The following ATP2B2 variants were observed in gnomAD, a reference collection of about 807,000 sequenced individuals.
ATP2B2 encodes the protein ATPase plasma membrane Ca2+ transporting 2, also known as plasma membrane calcium-transporting ATPase 2.
In ATP2B2, 15 loss-of-function variants were observed where a neutral mutation model predicts 120.0. That is an observed-to-expected ratio of 0.12 (90% CI 0.08 to 0.19). The LOEUF is 0.19. ATP2B2 is among the 10% of genes least tolerant of loss of function. The pLI, the probability that ATP2B2 is intolerant of heterozygous loss-of-function variation, is 1.00. For synonymous variants in ATP2B2, 694 were observed against 700.3 expected (o/e 0.99, Z 0.14); for missense variants, 1,045 against 1,719.8 (o/e 0.61, Z 6.94).
intron 1 of ATP2B2, among the ~76,000 whole-genome samples, chr3:10,684,580 T>A (rs1267422539): frequency 6.6e-6 from 1 of 152,264 alleles, no homozygotes; most frequent in African/African-American, 2.4e-5. Context: ...ACTCCAGGCC[T>A]GCCACTGATA....
intron 2 of ATP2B2, among the ~76,000 whole-genome samples, chr3:10,537,308 G>A (rs1005233752): frequency 8.5e-5 from 13 of 152,108 alleles, no homozygotes; most frequent in African/African-American, 2.9e-4. Context: ...TCTTTGCTAT[G>A]TTAAGTCTTC....
intron 2 of ATP2B2, among the ~76,000 whole-genome samples, chr3:10,420,873 GC>G (rs1431845198): frequency 6.6e-6 from 1 of 152,222 alleles, no homozygotes; most frequent in Non-Finnish European, 1.5e-5. Context: ...AAATATGAAT[GC>G]CTAAGCCCCA....
chr3:10,679,001 T>C (rs1262050225), intron 1 of ATP2B2, among the ~76,000 whole-genome samples: 1 of 152,194 alleles, frequency 6.6e-6, no homozygotes, highest in Non-Finnish European at 1.5e-5. Flanking sequence ...GGTGATCCTT[T>C]AGTATGGGAT....
chr3:10,551,942 G>C (rs2067678859), intron 2 of ATP2B2, among the ~76,000 whole-genome samples: 1 of 152,224 alleles, frequency 6.6e-6, no homozygotes, highest in Admixed American at 6.5e-5. Flanking sequence ...GAACATTAAC[G>C]CTGCTTTTGA....
At chr3:10,659,873 A>T (rs1283163360) in intron 1 of ATP2B2, among the ~76,000 whole-genome samples, 1 of 139,028 alleles carries the variant, frequency 7.2e-6, no homozygotes, top group African/African-American at 3.3e-5. Context: ...AATGTAAAAT[A>T]ACAGAAATTA....
intron 1 of ATP2B2, among the ~76,000 whole-genome samples, chr3:10,455,566 C>T (rs145414005): frequency 3.3e-5 from 5 of 152,296 alleles, no homozygotes; most frequent in Admixed American, 2.6e-4. Flanking sequence ...TTCCTTGAGT[C>T]CCCCCTGCTC....
intron 1 of ATP2B2, among the ~76,000 whole-genome samples, chr3:10,633,351 C>T (rs1269624179): frequency 1.3e-5 from 2 of 152,214 alleles, no homozygotes; most frequent in African/African-American, 4.8e-5. Context: ...TAACAGCAGA[C>T]AGGATGCCCT....
At chr3:10,553,757 T>A (rs2067719009) in intron 2 of ATP2B2, among the ~76,000 whole-genome samples, 1 of 152,134 alleles carries the variant, frequency 6.6e-6, no homozygotes, top group South Asian at 2.1e-4. Flanking sequence ...TGGAAGGAAC[T>A]GGGTGTTATC....
intron 14 of ATP2B2, among the ~76,000 whole-genome samples, chr3:10,354,919 A>G (rs1311083257): frequency 2.6e-5 from 4 of 152,154 alleles, no homozygotes; most frequent in Admixed American, 6.5e-5. Flanking sequence ...AATTCTGCAT[A>G]AAGGGACGAG....
chr3:10,492,886 C>T (rs2065988135), intron 1 of ATP2B2, among the ~76,000 whole-genome samples: 1 of 152,222 alleles, frequency 6.6e-6, no homozygotes, highest in South Asian at 2.1e-4. Context: ...GAGGCTGCCA[C>T]CCAGGATGGC....
At chr3:10,687,887 T>C (rs542474264) in intron 1 of ATP2B2, among the ~76,000 whole-genome samples, 199 of 152,078 alleles carry the variant, frequency 1.3e-3, no homozygotes, top group South Asian at 4.2e-3. Context: ...AAAAGAACCA[T>C]TGGGCCGCAA....
chr3:10,652,477 T>C (rs2070491893), intron 1 of ATP2B2, among the ~76,000 whole-genome samples: 1 of 152,220 alleles, frequency 6.6e-6, no homozygotes, highest in African/African-American at 2.4e-5. Context: ...GCATTGATGT[T>C]ACAGGGCGCC....
intron 2 of ATP2B2, among the ~76,000 whole-genome samples, chr3:10,425,713 A>G (rs515504): frequency 0.57 from 85,864 of 151,882 alleles, 24,619 homozygotes; most frequent in East Asian, 0.72. Context: ...AGCAAAATTC[A>G]AGAAAAACAT....
chr3:10,358,670 C>T (rs768424126), intron 14 of ATP2B2, 21 bp downstream of exon 14: 2 of 1,613,324 alleles, frequency 1.2e-6, no homozygotes, highest in South Asian at 2.2e-5. Context: ...TTTCCCTGAG[C>T]TCGCTGGCCC....
At chr3:10,493,655 G>C (rs1048623865) in intron 1 of ATP2B2, among the ~76,000 whole-genome samples, 2 of 152,194 alleles carry the variant, frequency 1.3e-5, no homozygotes, top group Non-Finnish European at 2.9e-5. Flanking sequence ...GGATCTGGGG[G>C]ACCAGTAGGG....
intron 2 of ATP2B2, among the ~76,000 whole-genome samples, chr3:10,546,441 C>T (rs929671151): frequency 6.6e-6 from 1 of 152,204 alleles, no homozygotes; most frequent in African/African-American, 2.4e-5. Flanking sequence ...TCCAGGGTTA[C>T]CTACTCAGAA....
At chr3:10,586,987 C>T (rs1387101890) in intron 2 of ATP2B2, among the ~76,000 whole-genome samples, 3 of 152,130 alleles carry the variant, frequency 2.0e-5, no homozygotes, top group Non-Finnish European at 4.4e-5. Context: ...GTTTACCTCA[C>T]ACACTTAGCA....
At chr3:10,417,184 G>T (rs1384825807) in intron 2 of ATP2B2, among the ~76,000 whole-genome samples, 3 of 151,250 alleles carry the variant, frequency 2.0e-5, no homozygotes, top group African/African-American at 7.3e-5. Flanking sequence ...TCACTTCCCA[G>T]AGGGGGCAAA....
chr3:10,358,910 G>C lies in ATP2B2; in HGVS notation c.1917C>G (p.Leu639=), dbSNP rs1403569775. Residue 639 remains leucine (L), a synonymous_variant, in exon 14 of 23, where the codon CTC becomes CTG. Coordinates refer to ENST00000360273, the MANE Select transcript of ATP2B2 (RefSeq NM_001001331.4). The part of the protein sequence containing the change: ...EIVLKKCCKI[L]NGAGEPRVFR... ...AGACACGAGGCTCTCCCGCCCCATT[G>C]AGGATTTTGCAGCACCTAGGGGAGG... The C allele has an allele frequency of 1.2e-6, 2 of 1,613,722 alleles. No individual in the cohort carries two copies. The highest frequency in any genetic ancestry group is 1.7e-6 in the Non-Finnish European group (2 of 1,180,034).
Sources: gnomAD v4.1 joint callset for allele counts (sites outside exome capture counted in the v4.1 genomes callset) on GRCh38, gnomAD v4.1.1 for gene constraint, MANE v1.5 for transcripts, NCBI Gene and HGNC (gene_info 2026-07-23, HGNC 2026-07-21) for gene names.